PFKFB4: variants seen among roughly 807,000 people sequenced by gnomAD.
The protein encoded by PFKFB4 is 6-phosphofructo-2-kinase/fructose-2,6-bisphosphatase 4.
Under a neutral mutation model 62.8 loss-of-function variants are expected in PFKFB4, and 42 were observed. The observed-to-expected ratio is 0.67, with a 90% CI of 0.52 to 0.86. The LOEUF (loss-of-function observed/expected upper bound fraction) is 0.86, where lower values mean the gene tolerates loss of function less well. Among genes scored for constraint, PFKFB4 ranks in the 40% least tolerant of loss-of-function variants. PFKFB4 has a pLI of 0.00. For synonymous variants in PFKFB4, 204 were observed against 240.7 expected, an observed-to-expected ratio of 0.85 and a Z score of 1.41; for missense variants, 475 against 627.2, an observed-to-expected ratio of 0.76 and a Z score of 2.59.
chr3:48,539,582 C>T, intron 5 of PFKFB4, 115 bp downstream of exon 5: 1 of 938,058 alleles, frequency 1.1e-6, no homozygotes, highest in Non-Finnish European at 1.7e-6. Context: ...CCAAATTACA[C>T]TCAGGAGCCA....
chr3:48,543,796 A>G, intron 3 of PFKFB4, 150 bp from the exon 4 acceptor site: 1 of 683,666 alleles, frequency 1.5e-6, no homozygotes, highest in Non-Finnish European at 2.7e-6. Flanking sequence ...CTCTTTCCTT[A>G]GGATAATGTT....
rs377324217 is a variant in PFKFB4, at chr3:48,538,489, C to T, written c.632+9G>A. On this transcript the variant is annotated intron_variant, in intron 7 of 13. Transcript: ENST00000232375. The stretch of plus-strand genomic sequence containing the variant: ...CACAGCTGCAGGGCCTGGCGCTGCC[C>T]TGACTCACCTATCCAGGTCCTCATC... The T allele has an allele frequency of 1.7e-5, 28 of 1,613,646 alleles. No homozygotes were observed. In the African/African-American group the frequency reaches 3.6e-4, roughly 21 times the overall value.
In PFKFB4 at chr3:48,523,739, A is replaced by C; in HGVS notation, c.1184T>G (p.Met395Arg). 1 of 1,614,194 alleles carries C rather than the reference A, an allele frequency of 6.2e-7. No individual in the cohort carries two copies. Among genetic ancestry groups the C allele is most frequent in the South Asian group, 1.1e-5 (1 of 91,088 alleles). Residue 395 changes from methionine (M) to arginine (R), a missense_variant, in exon 11 of 14, where the codon ATG becomes AGG. Coordinates refer to ENST00000232375, the MANE Select transcript of PFKFB4 (RefSeq NM_004567.4). ...GAGGAAGTAGGCCAGCAGGCAGCGC[A>C]TCACAGCCTGGTGGCAGATGACCAG... is the stretch of plus-strand genomic sequence containing the variant. ...NVLVICHQAV[M>R]RCLLAYFLDK...
chr3:48,547,555 A>G (rs2043003661), intron 3 of PFKFB4, among the ~76,000 whole-genome samples: 1 of 152,056 alleles, frequency 6.6e-6, no homozygotes, highest in African/African-American at 2.4e-5. Flanking sequence ...GCTCATTGCA[A>G]CCTCCACCTC....
At chr3:48,546,259 CAT>C (rs1056330245) in intron 3 of PFKFB4, among the ~76,000 whole-genome samples, 9 of 152,064 alleles carry the variant, frequency 5.9e-5, no homozygotes, top group Non-Finnish European at 1.0e-4. Context: ...AGTGTGCCCA[CAT>C]GTGTGCACAC....
chr3:48,550,364 A>G (rs1333179477), intron 1 of PFKFB4, 130 bp from the exon 2 acceptor site: 4 of 671,476 alleles, frequency 6.0e-6, no homozygotes, highest in African/African-American at 3.6e-5. Flanking sequence ...GCTTCCTAGC[A>G]TCCCCACACA....
chr3:48,536,213 C>A (rs777986339), intron 8 of PFKFB4, 43 bp downstream of exon 8: 5 of 1,560,744 alleles, frequency 3.2e-6, no homozygotes, highest in Non-Finnish European at 4.4e-6. Flanking sequence ...ACGCAGGGTA[C>A]AAATGCAGGC....
intron 1 of PFKFB4, among the ~76,000 whole-genome samples, chr3:48,551,412 C>T (rs1030999278): frequency 1.6e-4 from 23 of 145,120 alleles, no homozygotes; most frequent in African/African-American, 1.0e-4. Flanking sequence ...GACGGGGTTT[C>T]GGCATGTTGG....
upstream of PFKFB4, chr3:48,561,079 C>T (rs528646407): frequency 1.3e-5 from 17 of 1,283,528 alleles, no homozygotes; most frequent in South Asian, 7.5e-5. The surrounding 1 kb of genome is among the most constrained non-coding windows in gnomAD (Gnocchi z 5.2). Flanking sequence ...GGCCCCAGGT[C>T]GGTCAGGGAG....
intron 1 of PFKFB4, among the ~76,000 whole-genome samples, chr3:48,551,519 CTTTTTTTTTTTTTTTTTTT>C (rs71074260): frequency 1.4e-4 from 4 of 29,080 alleles, no homozygotes; most frequent in East Asian, 1.2e-3. Flanking sequence ...CTCCAGCCTT[CTTTTTTTTTTTTTTTTTTT>C]TTTTTTTTTT....
intron 9 of PFKFB4, among the ~76,000 whole-genome samples, chr3:48,526,865 C>T (rs2042278029): frequency 6.6e-6 from 1 of 150,814 alleles, no homozygotes; most frequent in Admixed American, 6.6e-5. Context: ...CTCTTGAACC[C>T]GGGAGGCAGA....
chr3:48,550,382 G>C, intron 1 of PFKFB4, 148 bp from the exon 2 acceptor site: 1 of 635,000 alleles, frequency 1.6e-6, no homozygotes, highest in South Asian at 1.8e-5. Flanking sequence ...ACAGCTCCTG[G>C]AGTGGCCCCA....
intron 9 of PFKFB4, among the ~76,000 whole-genome samples, chr3:48,528,309 A>G (rs2042328108): frequency 1.3e-5 from 2 of 152,202 alleles, no homozygotes; most frequent in East Asian, 3.8e-4. Context: ...TATAATTACC[A>G]TATGACCCAG....
At chr3:48,520,527 G>A (rs1158024406) in intron 13 of PFKFB4, among the ~76,000 whole-genome samples, 2 of 152,194 alleles carry the variant, frequency 1.3e-5, no homozygotes, top group African/African-American at 4.8e-5. Context: ...CTGAGCTGCT[G>A]CCCCATGCAA....
chr3:48,538,903 C>T (rs1289192274), intron 6 of PFKFB4, among the ~76,000 whole-genome samples: 1 of 152,160 alleles, frequency 6.6e-6, no homozygotes, highest in Non-Finnish European at 1.5e-5. Context: ...CTCTCATTTT[C>T]CCAGACCCAG....
chr3:48,524,787 G>A (rs576072349), intron 10 of PFKFB4, among the ~76,000 whole-genome samples: 12 of 152,254 alleles, frequency 7.9e-5, no homozygotes, highest in Middle Eastern at 6.8e-3. Flanking sequence ...GTGTGTTGAC[G>A]GGGTGTATTT....
intron 4 of PFKFB4, 43 bp from the exon 5 acceptor site, chr3:48,539,814 A>C: frequency 6.5e-7 from 1 of 1,528,302 alleles, no homozygotes; most frequent in African/African-American, 1.4e-5. Context: ...GCCCTGGGGA[A>C]GGAAGGGGCC....
rs1247541664 is a variant in PFKFB4 at position 48,517,915 on chromosome 3, C to T, written c.*1832G>A. 1.3e-5 allele frequency: 2 copies of T among 152,618 alleles called. No individual in the cohort carries two copies. Among genetic ancestry groups the T allele is most frequent in the African/African-American group, 2.4e-5 (1 of 41,474 alleles). 9.5% of individuals were successfully genotyped at this position (152,618 alleles called of 1,614,324 possible). ...CTCATGCCCTGATCCCTGGATGTCC[C>T]TCTACCCTGTCCCCAGTCCTCGTAA... On this transcript the variant is annotated 3_prime_UTR_variant, in exon 14 of 14. Coordinates refer to ENST00000232375, the MANE Select transcript of PFKFB4 (RefSeq NM_004567.4).
At chr3:48,527,631 C>T (rs1225725959) in intron 9 of PFKFB4, among the ~76,000 whole-genome samples, 1 of 150,724 alleles carries the variant, frequency 6.6e-6, no homozygotes, top group Non-Finnish European at 1.5e-5. Context: ...AAAGATTATT[C>T]TGGTGAAGGC....
Sources: allele counts gnomAD v4.1 joint callset (sites outside exome capture counted in the v4.1 genomes callset), GRCh38; gene constraint gnomAD v4.1.1; non-coding constraint Gnocchi (gnomAD v3.1); transcripts MANE v1.5; gene names NCBI Gene and HGNC (gene_info 2026-07-23, HGNC 2026-07-21).